The following LRP1 variants were observed in gnomAD, a reference collection of about 807,000 sequenced individuals.
LRP1 encodes the protein prolow-density lipoprotein receptor-related protein 1.
A neutral mutation model predicts 541.5 loss-of-function variants in LRP1; 51 were observed. The ratio of observed to expected loss-of-function variants is 0.09; its 90% CI spans 0.08 to 0.12. The LOEUF (loss-of-function observed/expected upper bound fraction) is 0.12, where lower values mean the gene tolerates loss of function less well. Ranked by LOEUF, LRP1 falls within the 10% of genes least tolerant of loss-of-function variation. The probability of loss-of-function intolerance (pLI) is 1.00; values close to 1 mark genes in which losing one functional copy is unlikely to be tolerated. For missense variants in LRP1, 3,878 were observed against 6,376.2 expected (o/e 0.61, Z 13.34); for synonymous variants, 2,219 against 2,470.8 (o/e 0.90, Z 3.02).
intron 3 of LRP1, 124 bp downstream of exon 3, chr12:57,141,635 A>G (rs1269421366): frequency 8.0e-7 from 1 of 1,251,584 alleles, no homozygotes; most frequent in Non-Finnish European, 1.1e-6. Flanking sequence ...GCCTAGATTT[A>G]CCTTCAGAGA....
Position 57,191,428 on chromosome 12 carries a change from G to T in LRP1, c.7345G>T (p.Val2449Leu). 1.2e-6 allele frequency: 2 copies of T among 1,613,294 alleles called. No homozygotes were observed. Among genetic ancestry groups the T allele is most frequent in the Non-Finnish European group, 8.5e-7 (1 of 1,179,482 alleles). ...GGCAGTGCAGCGGGCCAACAAGCAC[G>T]TGGGCAGCAACATGAAGCTGCTGCG... ...RRAVQRANKH[V>L]GSNMKLLRVD... Residue 2449 changes from valine to leucine, a missense_variant, in exon 44 of 89, where the codon GTG becomes TTG. Physicochemically the swap from Val to Leu is conservative, Grantham distance 32. Coordinates refer to ENST00000243077, the MANE Select transcript of LRP1 (RefSeq NM_002332.3).
intron 2 of LRP1, 122 bp from the exon 3 acceptor site, chr12:57,141,252 C>A: frequency 1.8e-6 from 2 of 1,101,790 alleles, no homozygotes; most frequent in Non-Finnish European, 2.6e-6. Flanking sequence ...AAGAGTCTAA[C>A]TAGCCCCGAG....
At chr12:57,181,043 C>T in intron 33 of LRP1, 114 bp from the exon 34 acceptor site, 1 of 1,364,008 alleles carries the variant, frequency 7.3e-7, no homozygotes, top group East Asian at 2.3e-5. Context: ...GTGGTGACCC[C>T]CATTAGGTCC....
intron 6 of LRP1, among the ~76,000 whole-genome samples, chr12:57,152,902 A>T (rs1592613310): frequency 6.6e-6 from 1 of 151,576 alleles, no homozygotes; most frequent in Non-Finnish European, 1.5e-5. Flanking sequence ...TTTTGCCCCC[A>T]CCCCACCCTC....
chr12:57,202,016 C>A, intron 67 of LRP1, 111 bp downstream of exon 67: 1 of 1,436,876 alleles, frequency 7.0e-7, no homozygotes, highest in Non-Finnish European at 9.6e-7. Context: ...CAGCGTGGCC[C>A]TGCTGCTGGG....
chr12:57,180,918 C>T (rs1029538282), intron 33 of LRP1, 111 bp downstream of exon 33: 1 of 1,446,080 alleles, frequency 6.9e-7, no homozygotes, highest in African/African-American at 1.4e-5. Context: ...AGGCTGTACC[C>T]ACCACCCAAA....
At position 57,156,028 on chromosome 12, in the gene LRP1, G is replaced by T; in HGVS notation, c.1228-66G>T. On this transcript the variant is annotated intron_variant, in intron 8 of 88. Transcript: ENST00000243077. The surrounding 1 kb of genome is among the most constrained non-coding windows in gnomAD (Gnocchi z 5.2). ...CATGAAGTCTGGAGGAAGCTGAGGGGATCTCCAGGACAGAGGGAGGAACCC... is the reference window on the plus strand; with the variant it reads ...CATGAAGTCTGGAGGAAGCTGAGGGTATCTCCAGGACAGAGGGAGGAACCC... The T allele has an allele frequency of 7.6e-7, 1 of 1,316,008 alleles. No homozygotes were observed. The highest frequency in any genetic ancestry group is 1.3e-5 in the South Asian group (1 of 76,818). 81.5% of individuals were successfully genotyped at this position (1,316,008 alleles called of 1,614,324 possible). A position where few individuals can be genotyped will look rare whatever the true frequency, so the allele number is the denominator to read the frequency against.
chr12:57,199,525 A>C (rs2036604150), intron 61 of LRP1, 125 bp downstream of exon 61: 1 of 1,092,666 alleles, frequency 9.2e-7, no homozygotes. Context: ...AGACTCCAGG[A>C]GGGTCTAGAC....
Position 57,204,546 on chromosome 12 carries a change from G to T in LRP1, c.11071+17G>T, listed in dbSNP as rs1428475279. 1.9e-6 allele frequency: 3 copies of T among 1,606,256 alleles called. No individual in the cohort carries two copies. Among genetic ancestry groups the T allele is most frequent in the South Asian group, 1.1e-5 (1 of 90,586 alleles). ...AGGAGTGTGGTGAGATTTGGGGCGG[G>T]GCTCCCAGGCTTCCCAGTGGCCAGC... On this transcript the variant is annotated intron_variant, in intron 71 of 88. Coordinates refer to ENST00000243077, the MANE Select transcript of LRP1 (RefSeq NM_002332.3). The surrounding 1 kb of genome is among the most constrained non-coding windows in gnomAD (Gnocchi z 5.3).
In LRP1 at chr12:57,184,706, G is replaced by T; in HGVS notation, c.6187-133G>T. 9.7e-7 allele frequency: 1 copy of T among 1,035,012 alleles called. No individual in the cohort carries two copies. The highest frequency in any genetic ancestry group is 1.4e-6 in the Non-Finnish European group (1 of 715,072). 64.1% of individuals were successfully genotyped at this position (1,035,012 alleles called of 1,614,324 possible). On this transcript the variant is annotated intron_variant, in intron 38 of 88. Transcript: ENST00000243077. The surrounding 1 kb of genome is among the most constrained non-coding windows in gnomAD (Gnocchi z 7.8). The stretch of plus-strand genomic sequence containing the variant: ...AGCAGGGCAGTGGGCAGGAGTGTAT[G>T]CAGGAGGCAGGAGTGAGTTAGGGGA...
intron 13 of LRP1, among the ~76,000 whole-genome samples, chr12:57,161,677 G>A (rs1483282628): frequency 6.6e-6 from 1 of 151,990 alleles, no homozygotes; most frequent in Non-Finnish European, 1.5e-5. Flanking sequence ...CCCAGCACAC[G>A]TCACAGAGCA....
intron 6 of LRP1, chr12:57,149,180 C>T: frequency 2.3e-6 from 1 of 442,648 alleles, no homozygotes; most frequent in Non-Finnish European, 4.0e-6. Context: ...CCAGACTTCA[C>T]ATGTGAAAGC....
At chr12:57,153,372 G>A (rs752554173) in intron 6 of LRP1, among the ~76,000 whole-genome samples, 40 of 152,048 alleles carry the variant, frequency 2.6e-4, no homozygotes, top group Non-Finnish European at 3.2e-4. Flanking sequence ...ATCTCCTCCA[G>A]AACCATGCCT....
rs1378864327 is a variant in LRP1 at position 57,179,927 on chromosome 12, C to A, written c.5112C>A (p.Pro1704=). ...KNAVVQGLEQ[P]HGLVVHPLRG... The stretch of plus-strand genomic sequence containing the variant: ...CAGTGGTGCAGGGCCTGGAGCAGCC[C>A]CATGGCCTTGTCGTCCACCCTCTGC... Residue 1704 remains proline, a synonymous_variant, in exon 30 of 89, where the codon CCC becomes CCA. Transcript: ENST00000243077. This position sits in a 1 kb window ranked among gnomAD's most constrained non-coding sequence, Gnocchi z 6.8. 2 of 1,614,130 alleles carry A rather than the reference C, an allele frequency of 1.2e-6. No homozygotes were observed. Among genetic ancestry groups the A allele is most frequent in the East Asian group, 4.5e-5 (2 of 44,888 alleles).
rs965897113 is a variant in LRP1 at position 57,179,091 on chromosome 12, C to T, written c.4738+70C>T. 25 of 1,557,478 alleles carry T rather than the reference C, an allele frequency of 1.6e-5. No homozygotes were observed. In the East Asian group the frequency reaches 2.7e-4, roughly 17 times the overall value. On this transcript the variant is annotated intron_variant, in intron 28 of 88. Transcript: ENST00000243077. This position sits in a 1 kb window ranked among gnomAD's most constrained non-coding sequence, Gnocchi z 6.8. ...GGGAAGGCCGCAGGCCCCAGGATCC[C>T]GGTTGTCAGCTAAGGCAGAGTCCCA...
chr12:57,162,656 C>G lies in LRP1; in HGVS notation c.2404+138C>G. The G allele has an allele frequency of 8.9e-7, 1 of 1,119,388 alleles. No individual in the cohort carries two copies. Among genetic ancestry groups the G allele is most frequent in the Non-Finnish European group, 1.3e-6 (1 of 781,008 alleles). The allele number at this position is 1,119,388 out of a possible 1,614,324, so 69.3% of individuals were successfully genotyped here. On this transcript the variant is annotated intron_variant, in intron 14 of 88. Transcript: ENST00000243077. The surrounding 1 kb of genome is among the most constrained non-coding windows in gnomAD (Gnocchi z 5.2). ...ACTTTTGAGGATCCTGAGAAGAGAA[C>G]TCCCCCAACACAATCTGATTCTCTG...
At position 57,212,179 on chromosome 12, in the gene LRP1, C is replaced by A; in HGVS notation, c.13412C>A (p.Pro4471His). The A allele has an allele frequency of 6.2e-7, 1 of 1,614,024 alleles. No homozygotes were observed. The highest frequency in any genetic ancestry group is 8.5e-7 in the Non-Finnish European group (1 of 1,180,014). The change falls in exon 88 of 89, where the codon CCC (proline) becomes CAC (histidine). Residue 4471 changes from proline to histidine, a missense_variant. By Grantham distance (77) the Pro-to-His change is moderately conservative (BLOSUM62 -2). Around this residue, in one of 13 missense-constraint regions of LRP1, gnomAD observed 871 missense variants for 1,212.4 expected, o/e 0.72. Transcript: ENST00000243077. The surrounding 1 kb of genome is among the most constrained non-coding windows in gnomAD (Gnocchi z 5.0). ...GCCATGAACGTGGAGATTGGAAACC[C>A]CACCTACAAGATGTACGAAGGCGGA... ...NGAMNVEIGN[P>H]TYKMYEGGEP...
Position 57,128,492 on chromosome 12 carries a change from C to G in LRP1, c.-473C>G, listed in dbSNP as rs1363366846. The G allele has an allele frequency of 7.2e-6, 2 of 277,044 alleles. No homozygotes were observed. The highest frequency in any genetic ancestry group is 1.2e-4 in the East Asian group (2 of 16,704). The allele number at this position is 277,044 out of a possible 1,614,324, so 17.2% of individuals were successfully genotyped here. A position where few individuals can be genotyped will look rare whatever the true frequency, so the allele number is the denominator to read the frequency against. On this transcript the variant is annotated 5_prime_UTR_variant, in exon 1 of 89. Coordinates refer to ENST00000243077, the MANE Select transcript of LRP1 (RefSeq NM_002332.3). The stretch of plus-strand genomic sequence containing the variant: ...CAGCCCCCCCCTCGGCACTTCAGTC[C>G]GGGGAACAGCGGTGCGAGCTCCAGG...
At chr12:57,149,945 G>GC in intron 6 of LRP1, 5 of 584,186 alleles carry the variant, frequency 8.6e-6, no homozygotes, top group South Asian at 4.1e-5. Flanking sequence ...CTGTCTTGGA[G>GC]TGTCCCAAGG....
Sources: gnomAD v4.1 joint callset for allele counts (sites outside exome capture counted in the v4.1 genomes callset) on GRCh38, gnomAD v4.1.1 for gene constraint, gnomAD v4.1.1 regional missense constraint, Gnocchi (gnomAD v3.1) non-coding constraint, MANE v1.5 for transcripts, NCBI Gene and HGNC (gene_info 2026-07-23, HGNC 2026-07-21) for gene names.